The following STK24 variants were observed in gnomAD, a reference collection of about 807,000 sequenced individuals.
STK24 encodes the protein serine/threonine-protein kinase 24.
A neutral mutation model predicts 55.6 loss-of-function variants in STK24; 21 were observed. The ratio of observed to expected loss-of-function variants is 0.38; its 90% CI spans 0.27 to 0.54. The LOEUF (loss-of-function observed/expected upper bound fraction) is 0.54, where lower values mean the gene tolerates loss of function less well. STK24 is among the 20% of genes least tolerant of loss of function. The pLI, the probability that STK24 is intolerant of heterozygous loss-of-function variation, is 0.79. For missense variants in STK24, 383 were observed against 538.4 expected (o/e 0.71, Z 2.86); for synonymous variants, 200 against 215.2 (o/e 0.93, Z 0.62).
chr13:98,565,412 G>A (rs532928800), intron 1 of STK24, among the ~76,000 whole-genome samples: 1 of 152,216 alleles, frequency 6.6e-6, no homozygotes, highest in East Asian at 1.9e-4. Flanking sequence ...AGGATCACTT[G>A]AGGTCAGGAG....
chr13:98,537,968 C>T (rs1896780482), intron 1 of STK24, among the ~76,000 whole-genome samples: 1 of 152,152 alleles, frequency 6.6e-6, no homozygotes, highest in South Asian at 2.1e-4. Context: ...GCCCCAGCTG[C>T]TCCGCTCGGG....
chr13:98,537,284 C>A (rs763315556), intron 1 of STK24, among the ~76,000 whole-genome samples: 1 of 152,222 alleles, frequency 6.6e-6, no homozygotes, highest in Admixed American at 6.5e-5. Context: ...CTTCGTGGGG[C>A]CTCTCACAAA....
chr13:98,489,822 AG>A (rs1287964748), intron 2 of STK24, among the ~76,000 whole-genome samples: 5 of 152,260 alleles, frequency 3.3e-5, no homozygotes, highest in Non-Finnish European at 7.3e-5. Flanking sequence ...TAATTTAATA[AG>A]CAATGGGAAG....
At chr13:98,516,411 C>T (rs1393802534) in intron 2 of STK24, among the ~76,000 whole-genome samples, 2 of 152,184 alleles carry the variant, frequency 1.3e-5, no homozygotes, top group Non-Finnish European at 2.9e-5. Flanking sequence ...ACCTGAAGAC[C>T]ACTCCCTGAG....
chr13:98,520,105 T>C (rs993335233), intron 1 of STK24, among the ~76,000 whole-genome samples: 2 of 152,154 alleles, frequency 1.3e-5, no homozygotes, highest in Non-Finnish European at 2.9e-5. Context: ...TACACATACA[T>C]ATATAGTATA....
chr13:98,559,169 G>A (rs554433760), intron 1 of STK24, among the ~76,000 whole-genome samples: 155 of 151,868 alleles, frequency 1.0e-3, no homozygotes, highest in Non-Finnish European at 1.8e-3. Flanking sequence ...AGCGAACTCC[G>A]TCTCAAAAAA....
chr13:98,571,814 A>T (rs1897747555), intron 1 of STK24, among the ~76,000 whole-genome samples: 1 of 152,164 alleles, frequency 6.6e-6, no homozygotes, highest in Non-Finnish European at 1.5e-5. Context: ...GAATGCTAAA[A>T]AAATCCACTT....
chr13:98,572,368 C>T (rs866635715), intron 1 of STK24, among the ~76,000 whole-genome samples: 1 of 152,138 alleles, frequency 6.6e-6, no homozygotes, highest in Middle Eastern at 3.2e-3. Context: ...GACACACCAA[C>T]CTTCCCCCAG....
intron 1 of STK24, among the ~76,000 whole-genome samples, chr13:98,543,489 C>T (rs1168417002): frequency 6.6e-6 from 1 of 152,212 alleles, no homozygotes; most frequent in African/African-American, 2.4e-5. Flanking sequence ...GTAATAAAGG[C>T]ACACACTACG....
chr13:98,453,106 C>CT lies in STK24; in HGVS notation c.*66dup, dbSNP rs1218523944. The CT allele has an allele frequency of 6.3e-7, 1 of 1,593,588 alleles. No homozygotes were observed. Among genetic ancestry groups the CT allele is most frequent in the African/African-American group, 1.3e-5 (1 of 74,314 alleles). On this transcript the variant is annotated 3_prime_UTR_variant, in exon 11 of 11. Coordinates refer to ENST00000539966, the MANE Select transcript of STK24 (RefSeq NM_001032296.4). ...TGGAGTCAGCGAAGGCTCTCGTTGA[C>CT]TTTTAAAAAAGGAGGAGGATGAAGA...
intron 2 of STK24, among the ~76,000 whole-genome samples, chr13:98,508,180 T>A (rs1409664767): frequency 1.3e-5 from 2 of 148,670 alleles, no homozygotes; most frequent in Admixed American, 6.8e-5. Context: ...AAAAAATAAA[T>A]ATATTTGTAA....
intron 1 of STK24, among the ~76,000 whole-genome samples, chr13:98,561,786 G>A (rs753217092): frequency 1.3e-5 from 2 of 151,758 alleles, no homozygotes; most frequent in African/African-American, 2.4e-5. Context: ...CAACCAGCCC[G>A]GCCAACATGC....
intron 1 of STK24, among the ~76,000 whole-genome samples, chr13:98,561,538 C>A (rs1365962439): frequency 7.2e-6 from 1 of 139,704 alleles, no homozygotes; most frequent in Admixed American, 7.0e-5. Flanking sequence ...GCGAAGATCA[C>A]GTCACTGTAC....
chr13:98,504,037 G>C (rs1007136776), intron 2 of STK24, among the ~76,000 whole-genome samples: 5 of 152,188 alleles, frequency 3.3e-5, no homozygotes, highest in Admixed American at 2.6e-4. Flanking sequence ...AAGACAGAAA[G>C]ATCACATTTG....
intron 5 of STK24, 47 bp downstream of exon 5, chr13:98,474,774 C>G: frequency 6.5e-7 from 1 of 1,542,706 alleles, no homozygotes; most frequent in Non-Finnish European, 8.7e-7. Flanking sequence ...AAGGCGGGAG[C>G]CCTCCAGGCC....
chr13:98,540,398 A>T (rs1896855878), intron 1 of STK24, among the ~76,000 whole-genome samples: 1 of 152,164 alleles, frequency 6.6e-6, no homozygotes, highest in African/African-American at 2.4e-5. Flanking sequence ...TACACATTAC[A>T]TACCTTTAGA....
chr13:98,497,020 G>A (rs987983257), intron 2 of STK24, among the ~76,000 whole-genome samples: 9 of 152,110 alleles, frequency 5.9e-5, no homozygotes, highest in South Asian at 4.1e-4. Flanking sequence ...GTTGGGACCC[G>A]CATTTCTAGG....
At chr13:98,536,354 TTCTA>T (rs1054386250) in intron 1 of STK24, among the ~76,000 whole-genome samples, 5 of 150,116 alleles carry the variant, frequency 3.3e-5, no homozygotes, top group East Asian at 1.9e-4. Context: ...CATATTCTTC[TTCTA>T]TCTTTTTTTT....
Position 98,459,323 on chromosome 13 carries a change from T to TC in STK24, c.1122+1048dup, listed in dbSNP as rs1379996284. On this transcript the variant is annotated intron_variant, in intron 9 of 10. Transcript: ENST00000539966. ...CAGGGCCTCCGCGTGCCCTGTGGCT[T>TC]CCCCGACACCAGCGGGCTCGGCTAC... is the stretch of plus-strand genomic sequence containing the variant. Among the ~76,000 whole-genome samples, 4 of 152,338 alleles carry TC rather than the reference T, an allele frequency of 2.6e-5. No homozygotes were observed. The East Asian group carries it at 7.7e-4, about 29-fold the overall frequency.
Sources: allele counts gnomAD v4.1 joint callset (sites outside exome capture counted in the v4.1 genomes callset), GRCh38; gene constraint gnomAD v4.1.1; transcripts MANE v1.5; gene names NCBI Gene and HGNC (gene_info 2026-07-23, HGNC 2026-07-21).